Variants in CELF2 observed in about 807,000 individuals in gnomAD.
CELF2 encodes the protein CUGBP Elav-like family member 2.
CELF2 carries 8 observed loss-of-function variants against 62.6 expected under a neutral mutation model. That is an observed-to-expected ratio of 0.13 (90% CI 0.07 to 0.23). The LOEUF (loss-of-function observed/expected upper bound fraction) is 0.23. CELF2 is among the 10% of genes least tolerant of loss of function. The pLI is 1.00. For missense variants in CELF2, 333 were observed against 671.0 expected, an observed-to-expected ratio of 0.50 and a Z score of 5.56; for synonymous variants, 258 against 250.0, an observed-to-expected ratio of 1.03 and a Z score of -0.30.
intron 9 of CELF2, among the ~76,000 whole-genome samples, chr10:11,295,739 G>A (rs1351155540): frequency 1.3e-5 from 2 of 152,226 alleles, no homozygotes; most frequent in Non-Finnish European, 2.9e-5. Flanking sequence ...GACTGATACT[G>A]TTGGGGAGAA....
the CELF2 span, among the ~76,000 whole-genome samples, chr10:10,550,679 C>A: frequency 6.6e-6 from 1 of 151,760 alleles, no homozygotes; most frequent in African/African-American, 2.4e-5. Context: ...CTGATTGGAT[C>A]CTGGATTCTG....
At chr10:11,303,745 C>T (rs1401737341) in intron 9 of CELF2, among the ~76,000 whole-genome samples, 3 of 152,182 alleles carry the variant, frequency 2.0e-5, no homozygotes, top group African/African-American at 7.2e-5. Flanking sequence ...ATAAGTAAAT[C>T]TCTGCAGTAG....
intron 2 of CELF2, among the ~76,000 whole-genome samples, chr10:11,166,387 G>C (rs566767153): frequency 1.3e-5 from 2 of 152,178 alleles, no homozygotes; most frequent in African/African-American, 2.4e-5. Flanking sequence ...GGTGATGGGG[G>C]GCAGTGGGTG....
chr10:11,032,722 T>C (rs2060324389), intron 1 of CELF2, among the ~76,000 whole-genome samples: 1 of 152,198 alleles, frequency 6.6e-6, no homozygotes, highest in Non-Finnish European at 1.5e-5. Flanking sequence ...TTATCCAAAA[T>C]AGAAGCAGAA....
At chr10:10,492,219 T>C in the CELF2 span, among the ~76,000 whole-genome samples, 1 of 152,162 alleles carries the variant, frequency 6.6e-6, no homozygotes, top group Admixed American at 6.5e-5. Flanking sequence ...TGATCACATC[T>C]CCATCTCTAA....
the CELF2 span, among the ~76,000 whole-genome samples, chr10:10,709,042 A>C: frequency 6.6e-6 from 1 of 152,242 alleles, no homozygotes; most frequent in Non-Finnish European, 1.5e-5. Flanking sequence ...ATATATGCTT[A>C]ATAAATACTC....
intron 1 of CELF2, among the ~76,000 whole-genome samples, chr10:11,120,228 C>G (rs1178296245): frequency 6.6e-6 from 1 of 152,126 alleles, no homozygotes; most frequent in African/African-American, 2.4e-5. Context: ...ATATTTAGCT[C>G]TTAATTTACA....
the CELF2 span, among the ~76,000 whole-genome samples, chr10:10,736,597 G>T: frequency 6.6e-6 from 1 of 151,836 alleles, no homozygotes. Flanking sequence ...TCGTTGACTT[G>T]CTTGTTTGCT....
chr10:10,648,233 C>G, the CELF2 span, among the ~76,000 whole-genome samples: 1 of 152,176 alleles, frequency 6.6e-6, no homozygotes, highest in Non-Finnish European at 1.5e-5. Context: ...GTGGTCTCTT[C>G]TATATCAACA....
chr10:10,897,994 C>T (rs1003516747), intron 1 of CELF2, among the ~76,000 whole-genome samples: 3 of 152,160 alleles, frequency 2.0e-5, no homozygotes, highest in Admixed American at 6.5e-5. Flanking sequence ...GTTCAGTCTT[C>T]GTGGGCTCAG....
At chr10:11,153,748 G>A (rs534756614) in intron 1 of CELF2, among the ~76,000 whole-genome samples, 1 of 152,214 alleles carries the variant, frequency 6.6e-6, no homozygotes, top group African/African-American at 2.4e-5. Context: ...GGGTGATTTT[G>A]ACACTGTGAA....
At chr10:10,595,315 C>CT in the CELF2 span, among the ~76,000 whole-genome samples, 36,954 of 151,932 alleles carry the variant, frequency 0.24, 5,004 homozygotes, top group South Asian at 0.51. Context: ...ACCACAGTCA[C>CT]GGGTAATAGA....
chr10:10,879,119 A>G (rs1448531908), intron 1 of CELF2, among the ~76,000 whole-genome samples: 1 of 152,212 alleles, frequency 6.6e-6, no homozygotes. Flanking sequence ...TTAGGTAATC[A>G]AATGAAAACA....
At chr10:10,899,782 G>A (rs963975424) in intron 1 of CELF2, among the ~76,000 whole-genome samples, 1 of 152,186 alleles carries the variant, frequency 6.6e-6, no homozygotes, top group Non-Finnish European at 1.5e-5. Context: ...GGGGTGGTGG[G>A]GAGGTGCTAC....
chr10:10,709,820 C>A, the CELF2 span, among the ~76,000 whole-genome samples: 1 of 152,152 alleles, frequency 6.6e-6, no homozygotes, highest in South Asian at 2.1e-4. Context: ...TCTTTGATTT[C>A]CCTCAGCTGG....
At chr10:11,135,227 G>C (rs1262367469) in intron 1 of CELF2, among the ~76,000 whole-genome samples, 2 of 152,160 alleles carry the variant, frequency 1.3e-5, no homozygotes, top group Non-Finnish European at 2.9e-5. Flanking sequence ...TACTGCCGTG[G>C]GGTTCTCCAG....
intron 1 of CELF2, among the ~76,000 whole-genome samples, chr10:10,806,655 G>A (rs2055267534): frequency 6.6e-6 from 1 of 152,172 alleles, no homozygotes. Flanking sequence ...GAGCCAAATA[G>A]CAGCTATAAG....
chr10:10,746,185 T>C, the CELF2 span, among the ~76,000 whole-genome samples: 1 of 152,354 alleles, frequency 6.6e-6, no homozygotes, highest in East Asian at 1.9e-4. Context: ...TTAAATCTTG[T>C]AGCAGGATTT....
the CELF2 span, among the ~76,000 whole-genome samples, chr10:10,579,864 T>C: frequency 1.1e-4 from 14 of 124,322 alleles, no homozygotes; most frequent in East Asian, 5.4e-4. Context: ...CACACACACA[T>C]GCACACACTC....
Sources: gnomAD v4.1 joint callset for allele counts (sites outside exome capture counted in the v4.1 genomes callset) on GRCh38, gnomAD v4.1.1 for gene constraint, MANE v1.5 for transcripts, NCBI Gene and HGNC (gene_info 2026-07-23, HGNC 2026-07-21) for gene names.